The following SDK1 variants were observed in gnomAD, a reference collection of about 807,000 sequenced individuals.
SDK1 encodes sidekick cell adhesion molecule 1, also known as protein sidekick-1.
SDK1 carries 157 observed loss-of-function variants against 245.5 expected under a neutral mutation model. The ratio of observed to expected loss-of-function variants is 0.64; its 90% CI spans 0.56 to 0.73. The LOEUF is 0.73. SDK1 is among the 30% of genes least tolerant of loss of function. The pLI is 0.00. For synonymous variants in SDK1, 1,647 were observed against 1,278.5 expected (o/e 1.29, Z -6.15); for missense variants, 3,583 against 3,002.3 (o/e 1.19, Z -4.52).
intron 14 of SDK1, among the ~76,000 whole-genome samples, chr7:3,988,907 G>T (rs545200827): frequency 2.6e-5 from 4 of 152,240 alleles, no homozygotes; most frequent in East Asian, 1.9e-4. Context: ...GAGTAGCTGG[G>T]ACTACAGGCA....
chr7:4,265,963 A>C lies in SDK1; in HGVS notation c.*579A>C. The C allele has an allele frequency of 9.1e-6, 9 of 985,636 alleles. No homozygotes were observed. The highest frequency in any genetic ancestry group is 1.1e-5 in the Non-Finnish European group (9 of 830,060). 61.1% of individuals were successfully genotyped at this position (985,636 alleles called of 1,614,324 possible). ...CTCACTTGGCAGTGTCTAGTCAAGG[A>C]GTCGGCTTTCAGGTTCCTGACGGCC... On this transcript the variant is annotated 3_prime_UTR_variant, in exon 45 of 45. Coordinates refer to ENST00000404826, the MANE Select transcript of SDK1 (RefSeq NM_152744.4).
At chr7:4,144,000 C>G (rs1779773784) in intron 28 of SDK1, among the ~76,000 whole-genome samples, 2 of 152,176 alleles carry the variant, frequency 1.3e-5, no homozygotes, top group South Asian at 4.1e-4. Flanking sequence ...GCCCCGAAGC[C>G]TCAGACTGAG....
chr7:3,634,219 C>T (rs12539289), intron 2 of SDK1, among the ~76,000 whole-genome samples: 39,815 of 151,932 alleles, frequency 0.26, 5,845 homozygotes, highest in Non-Finnish European at 0.34. Context: ...TCTCCAAATA[C>T]AGGGAAGTGG....
chr7:3,704,971 G>A (rs562521723), intron 4 of SDK1, among the ~76,000 whole-genome samples: 26 of 152,068 alleles, frequency 1.7e-4, no homozygotes, highest in South Asian at 8.3e-4. Context: ...ATGTTTTTGC[G>A]TGCTTTGTCA....
intron 1 of SDK1, among the ~76,000 whole-genome samples, chr7:3,428,232 T>C (rs1486319160): frequency 6.6e-6 from 1 of 152,212 alleles, no homozygotes; most frequent in East Asian, 1.9e-4. Flanking sequence ...ATTGGTGCAC[T>C]GAATAGCTAG....
At chr7:3,981,578 C>T (rs1183313448) in intron 13 of SDK1, among the ~76,000 whole-genome samples, 4 of 152,322 alleles carry the variant, frequency 2.6e-5, no homozygotes, top group African/African-American at 9.6e-5. Flanking sequence ...TATTGAAGGA[C>T]ATTTAAAGTG....
At position 4,233,145 on chromosome 7, in the gene SDK1, A is replaced by C. The variant is rs532940269; in HGVS notation, c.5828-110A>C. The C allele has an allele frequency of 1.0e-5, 10 of 1,001,412 alleles. No homozygotes were observed. In the East Asian group the frequency reaches 2.4e-4, roughly 24 times the overall value. The allele number at this position is 1,001,412 out of a possible 1,614,324, so 62.0% of individuals were successfully genotyped here. ...ACTCACTCCGCATCCAGTGCCCCTGATGCCTCATCCAGGGCTGCTGCAAGC... is the reference window on the plus strand; with the variant it reads ...ACTCACTCCGCATCCAGTGCCCCTGCTGCCTCATCCAGGGCTGCTGCAAGC... On this transcript the variant is annotated intron_variant, in intron 40 of 44. Transcript: ENST00000404826.
intron 29 of SDK1, among the ~76,000 whole-genome samples, chr7:4,146,724 A>G (rs1042113831): frequency 6.6e-6 from 1 of 152,230 alleles, no homozygotes; most frequent in Non-Finnish European, 1.5e-5. Context: ...CTGCCTTCCC[A>G]ATGAGAACTG....
chr7:3,330,690 G>C (rs1364928762), intron 1 of SDK1, among the ~76,000 whole-genome samples: 4 of 151,916 alleles, frequency 2.6e-5, no homozygotes, highest in Admixed American at 2.6e-4. Flanking sequence ...ACCCAGTCTA[G>C]GGCTAGGCAC....
At chr7:3,597,557 C>G (rs1249337503) in intron 1 of SDK1, among the ~76,000 whole-genome samples, 1 of 152,134 alleles carries the variant, frequency 6.6e-6, no homozygotes, top group Non-Finnish European at 1.5e-5. Flanking sequence ...CCTTATTATG[C>G]TGGAGTGTCC....
At chr7:3,583,709 G>T (rs564843018) in intron 1 of SDK1, among the ~76,000 whole-genome samples, 2 of 152,080 alleles carry the variant, frequency 1.3e-5, no homozygotes, top group South Asian at 2.1e-4. Flanking sequence ...GGTGCCCCCT[G>T]AGAGGCATGG....
intron 35 of SDK1, among the ~76,000 whole-genome samples, chr7:4,198,714 T>C (rs1367326964): frequency 6.6e-6 from 1 of 152,184 alleles, no homozygotes; most frequent in African/African-American, 2.4e-5. Context: ...AGCTTGGACC[T>C]TAGGGTTAGG....
chr7:3,895,699 C>G (rs1263401221), intron 5 of SDK1, among the ~76,000 whole-genome samples: 1 of 152,186 alleles, frequency 6.6e-6, no homozygotes, highest in Non-Finnish European at 1.5e-5. Flanking sequence ...TCAGACCTTT[C>G]TTCTTTTCTA....
intron 1 of SDK1, among the ~76,000 whole-genome samples, chr7:3,430,157 C>T (rs1779796620): frequency 6.6e-6 from 1 of 152,134 alleles, no homozygotes; most frequent in African/African-American, 2.4e-5. Flanking sequence ...TGGCATCTGC[C>T]TTCATCTCCG....
At chr7:3,607,318 G>A (rs1343856136) in intron 1 of SDK1, among the ~76,000 whole-genome samples, 1 of 152,146 alleles carries the variant, frequency 6.6e-6, no homozygotes, top group Non-Finnish European at 1.5e-5. Context: ...CAACTTCTGT[G>A]TTATACAAAT....
chr7:4,020,040 C>T (rs1335214055), intron 17 of SDK1, among the ~76,000 whole-genome samples: 1 of 152,148 alleles, frequency 6.6e-6, no homozygotes, highest in East Asian at 1.9e-4. Context: ...TCATGCTTTT[C>T]TTCCAGACCC....
chr7:3,539,919 C>T (rs1483173691), intron 1 of SDK1, among the ~76,000 whole-genome samples: 3 of 152,194 alleles, frequency 2.0e-5, no homozygotes, highest in Non-Finnish European at 2.9e-5. Flanking sequence ...CTGATGGGAG[C>T]TGTTGCCAGC....
In SDK1 at chr7:4,217,384, C is replaced by T. The variant is rs1378561702; in HGVS notation, c.5540-2725C>T. Among the ~76,000 whole-genome samples the T allele has an allele frequency of 6.2e-4, 82 of 133,056 alleles. No homozygotes were observed. In the South Asian group the frequency reaches 9.2e-3, roughly 15 times the overall value. The allele number at this position is 133,056 out of a possible 152,430, so 87.3% of individuals were successfully genotyped here. ...AGGCCACCCGGAGCACCAGGCCACCCGGAGCACCACACCACCCGGAGCACC... is the reference window on the plus strand; with the variant it reads ...AGGCCACCCGGAGCACCAGGCCACCTGGAGCACCACACCACCCGGAGCACC... On this transcript the variant is annotated intron_variant, in intron 38 of 44. Coordinates refer to ENST00000404826, the MANE Select transcript of SDK1 (RefSeq NM_152744.4).
At chr7:3,817,898 A>C (rs1779549217) in intron 4 of SDK1, among the ~76,000 whole-genome samples, 1 of 152,224 alleles carries the variant, frequency 6.6e-6, no homozygotes, top group Non-Finnish European at 1.5e-5. Context: ...TCCTTTACTG[A>C]ACTGCACAGA....
Sources: allele counts gnomAD v4.1 joint callset (sites outside exome capture counted in the v4.1 genomes callset), GRCh38; gene constraint gnomAD v4.1.1; transcripts MANE v1.5; gene names NCBI Gene and HGNC (gene_info 2026-07-23, HGNC 2026-07-21).